The following NBEA variants were observed in gnomAD, a reference collection of about 807,000 sequenced individuals.
NBEA encodes the protein neurobeachin.
In NBEA, 44 loss-of-function variants were observed where a neutral mutation model predicts 343.4. That is an observed-to-expected ratio of 0.13 (90% confidence interval 0.10 to 0.16). NBEA has a LOEUF of 0.16. Among genes scored for constraint, NBEA ranks in the 10% least tolerant of loss-of-function variants. NBEA has a pLI of 1.00. For synonymous variants in NBEA, 1,175 were observed against 1,238.7 expected, an observed-to-expected ratio of 0.95 and a Z score of 1.08; for missense variants, 2,555 against 3,631.3, an observed-to-expected ratio of 0.70 and a Z score of 7.62.
At chr13:35,436,064 A>G (rs1369109378) in intron 39 of NBEA, among the ~76,000 whole-genome samples, 2 of 151,990 alleles carry the variant, frequency 1.3e-5, no homozygotes, top group Non-Finnish European at 2.9e-5. Flanking sequence ...CTGGTTTCAA[A>G]AAAAAAAAGA....
intron 7 of NBEA, among the ~76,000 whole-genome samples, chr13:35,056,720 A>G (rs2063278280): frequency 6.6e-6 from 1 of 152,120 alleles, no homozygotes; most frequent in Admixed American, 6.6e-5. Context: ...GAGGCAAAAT[A>G]ATATTAAGAG....
intron 47 of NBEA, 143 bp from the exon 48 acceptor site, chr13:35,606,283 A>G: frequency 2.5e-6 from 1 of 403,208 alleles, no homozygotes; most frequent in Non-Finnish European, 4.1e-6. Flanking sequence ...AATTAAATGA[A>G]GAATAGAATA....
At chr13:35,396,089 C>T (rs1175240047) in intron 38 of NBEA, among the ~76,000 whole-genome samples, 1 of 152,020 alleles carries the variant, frequency 6.6e-6, no homozygotes, top group Non-Finnish European at 1.5e-5. Context: ...GAGACAGGGT[C>T]TTGCTATGGT....
chr13:35,213,963 G>C (rs551505456), intron 33 of NBEA, among the ~76,000 whole-genome samples: 4 of 152,020 alleles, frequency 2.6e-5, no homozygotes, highest in Admixed American at 2.6e-4. Flanking sequence ...AATTAGATTT[G>C]CCTTTTCAAG....
intron 38 of NBEA, among the ~76,000 whole-genome samples, chr13:35,390,430 C>G (rs183640102): frequency 2.9e-4 from 44 of 152,196 alleles, no homozygotes; most frequent in African/African-American, 1.1e-3. Flanking sequence ...CTAGATATTC[C>G]TGTTCTTTCC....
intron 1 of NBEA, among the ~76,000 whole-genome samples, chr13:35,017,824 G>T (rs536142145): frequency 4.5e-4 from 68 of 151,888 alleles, no homozygotes; most frequent in African/African-American, 1.5e-3. Context: ...TTGTCCTTTT[G>T]TGGCTTACTT....
At chr13:35,522,055 G>A (rs2077741147) in intron 41 of NBEA, among the ~76,000 whole-genome samples, 1 of 152,056 alleles carries the variant, frequency 6.6e-6, no homozygotes, top group Non-Finnish European at 1.5e-5. Context: ...GTACAGAGAG[G>A]CGAACCACTT....
intron 47 of NBEA, among the ~76,000 whole-genome samples, chr13:35,599,986 A>G (rs542635165): frequency 6.2e-4 from 94 of 152,342 alleles, no homozygotes; most frequent in East Asian, 7.7e-4. Flanking sequence ...ATATTCAGAA[A>G]ATATGATTAA....
intron 41 of NBEA, chr13:35,477,293 T>A (rs1021134964): frequency 4.3e-5 from 7 of 162,622 alleles, no homozygotes; most frequent in Non-Finnish European, 8.8e-5. Flanking sequence ...TTACTTATGT[T>A]TTTTTCTTTT....
At chr13:34,970,146 G>C (rs1310214577) in intron 1 of NBEA, among the ~76,000 whole-genome samples, 1 of 152,196 alleles carries the variant, frequency 6.6e-6, no homozygotes, top group Non-Finnish European at 1.5e-5. Context: ...CTCATGATCA[G>C]TGATGCTGAG....
chr13:35,651,658 A>G (rs912679528), intron 52 of NBEA, 147 bp from the exon 53 acceptor site: 7 of 627,484 alleles, frequency 1.1e-5, no homozygotes, highest in Non-Finnish European at 2.0e-5. Flanking sequence ...AAGGCTGTCT[A>G]CAGAGACACA....
At chr13:35,209,128 G>A (rs1270417633) in intron 32 of NBEA, among the ~76,000 whole-genome samples, 1 of 152,146 alleles carries the variant, frequency 6.6e-6, no homozygotes, top group East Asian at 1.9e-4. Flanking sequence ...AAGATATTTG[G>A]GGAGCAGAAG....
chr13:35,151,176 G>A (rs2068760657), intron 18 of NBEA, among the ~76,000 whole-genome samples: 1 of 151,144 alleles, frequency 6.6e-6, no homozygotes, highest in African/African-American at 2.4e-5. Flanking sequence ...GTCTTATTAG[G>A]ATAAAGACTA....
intron 45 of NBEA, among the ~76,000 whole-genome samples, chr13:35,577,355 A>T (rs1212001549): frequency 6.6e-6 from 1 of 152,214 alleles, no homozygotes; most frequent in Non-Finnish European, 1.5e-5. Flanking sequence ...ACAAAGGTTG[A>T]AGGCATAATG....
At chr13:35,476,779 C>T in intron 41 of NBEA, 2 of 1,036,844 alleles carry the variant, frequency 1.9e-6, no homozygotes, top group Non-Finnish European at 2.4e-6. Flanking sequence ...CGACAGCCTC[C>T]TTCAGCTCCA....
At chr13:35,025,509 C>CTGTTCCAT (rs1290313359) in intron 1 of NBEA, among the ~76,000 whole-genome samples, 1 of 152,088 alleles carries the variant, frequency 6.6e-6, no homozygotes, top group Non-Finnish European at 1.5e-5. Flanking sequence ...GTTGTCTAAC[C>CTGTTCCAT]TGTTCCATTG....
At chr13:35,402,694 G>A (rs1182431826) in intron 38 of NBEA, among the ~76,000 whole-genome samples, 1 of 152,074 alleles carries the variant, frequency 6.6e-6, no homozygotes, top group African/African-American at 2.4e-5. Flanking sequence ...AAGCAGATGT[G>A]TTTGATAACT....
intron 40 of NBEA, among the ~76,000 whole-genome samples, chr13:35,455,015 A>G (rs1386430301): frequency 2.0e-5 from 3 of 152,166 alleles, no homozygotes; most frequent in Admixed American, 1.3e-4. Flanking sequence ...GATAAAAATC[A>G]CAGGTTTATC....
chr13:35,369,749 G>A (rs1269295922), intron 38 of NBEA, among the ~76,000 whole-genome samples: 1 of 151,848 alleles, frequency 6.6e-6, no homozygotes, highest in Non-Finnish European at 1.5e-5. Flanking sequence ...GGTTTTTGGT[G>A]GAGTCTTTAG....
Sources: gnomAD v4.1 joint callset for allele counts (sites outside exome capture counted in the v4.1 genomes callset) on GRCh38, gnomAD v4.1.1 for gene constraint, MANE v1.5 for transcripts, NCBI Gene and HGNC (gene_info 2026-07-23, HGNC 2026-07-21) for gene names.